LRP11: variants seen among roughly 807,000 people sequenced by gnomAD.
The protein encoded by LRP11 is LDL receptor related protein 11.
In LRP11, 25 loss-of-function variants were observed where a neutral mutation model predicts 43.1. That is an observed-to-expected ratio of 0.58 (90% CI 0.42 to 0.81). LRP11 has a LOEUF of 0.81. Among genes scored for constraint, LRP11 ranks in the 30% least tolerant of loss-of-function variants. The pLI, the probability that LRP11 is intolerant of heterozygous loss-of-function variation, is 0.00. For missense variants in LRP11, 623 were observed against 665.1 expected, an observed-to-expected ratio of 0.94 and a Z score of 0.70; for synonymous variants, 316 against 299.4, an observed-to-expected ratio of 1.06 and a Z score of -0.57.
chr6:149,842,489 C>G, intron 3 of LRP11: 1 of 681,498 alleles, frequency 1.5e-6, no homozygotes, highest in Non-Finnish European at 2.6e-6. Flanking sequence ...TGCAACAGAT[C>G]ACCAGAACCT....
chr6:149,830,007 CTTTTTTTTTTT>C (rs59467230), intron 5 of LRP11, among the ~76,000 whole-genome samples: 3 of 127,456 alleles, frequency 2.4e-5, no homozygotes, highest in East Asian at 4.7e-4. Flanking sequence ...TTATTATCCT[CTTTTTTTTTTT>C]TTTTTTTTTG....
At chr6:149,844,946 G>A (rs1393826611) in intron 2 of LRP11, among the ~76,000 whole-genome samples, 1 of 152,186 alleles carries the variant, frequency 6.6e-6, no homozygotes, top group Middle Eastern at 3.2e-3. Flanking sequence ...CAGAGTCAGT[G>A]GGTTGGTCAG....
At chr6:149,859,396 A>ATATATATATATATATATATATATATAT in intron 1 of LRP11, among the ~76,000 whole-genome samples, 12 of 71,504 alleles carry the variant, frequency 1.7e-4, no homozygotes, top group Non-Finnish European at 2.3e-4. Flanking sequence ...ATATATATAT[A>ATATATATATATATATATATATATATAT]TTTTTTTTTT....
At chr6:149,833,727 T>C (rs1776437282) in intron 5 of LRP11, among the ~76,000 whole-genome samples, 1 of 152,188 alleles carries the variant, frequency 6.6e-6, no homozygotes, top group Admixed American at 6.5e-5. Context: ...TCTGCATCTG[T>C]GAAAGACCAC....
rs561673386 is a variant in LRP11, at chr6:149,860,752, C to G, written c.613+2656G>C. Among the ~76,000 whole-genome samples the G allele has an allele frequency of 2.6e-5, 4 of 152,318 alleles. No homozygotes were observed. The South Asian group carries it at 8.3e-4, about 32-fold the overall frequency. On this transcript the variant is annotated intron_variant, in intron 1 of 6. Coordinates refer to ENST00000239367, the MANE Select transcript of LRP11 (RefSeq NM_032832.6). The stretch of plus-strand genomic sequence containing the variant: ...CTCATTCCTGCATCCTCCCGCCTTC[C>G]CTACCTCTACCCTCGCAGTCCCAGC...
intron 2 of LRP11, among the ~76,000 whole-genome samples, chr6:149,850,837 T>C (rs1776707887): frequency 6.6e-6 from 1 of 152,202 alleles, no homozygotes; most frequent in South Asian, 2.1e-4. Context: ...GAAAGGTACT[T>C]AGTAATCTTT....
At position 149,864,012 on chromosome 6, in the gene LRP11, G is replaced by A. The variant is rs1776992518; in HGVS notation, c.9C>T (p.Ser3=). MA[S]VAQESAGSQR... is the part of the protein sequence containing the mutation. ...GCGAGCCCGCGCTCTCCTGGGCGAC[G>A]GAGGCCATGGCGACGAGAGCCAAGG... Residue 3 remains serine, a synonymous_variant, in exon 1 of 7, where the codon TCC becomes TCT. Transcript: ENST00000239367. 2 of 1,346,642 alleles carry A rather than the reference G, an allele frequency of 1.5e-6. No homozygotes were observed. Among genetic ancestry groups the A allele is most frequent in the South Asian group, 1.9e-5 (1 of 52,814 alleles). The allele number at this position is 1,346,642 out of a possible 1,614,324, so 83.4% of individuals were successfully genotyped here. A position where few individuals can be genotyped will look rare whatever the true frequency, so the allele number is the denominator to read the frequency against.
Position 149,820,387 on chromosome 6 carries a change from C to A in LRP11, c.*162G>T. 2.3e-6 allele frequency: 1 copy of A among 439,438 alleles called. No individual in the cohort carries two copies. The highest frequency in any genetic ancestry group is 3.0e-5 in the African/African-American group (1 of 33,762). The allele number at this position is 439,438 out of a possible 1,614,324, so 27.2% of individuals were successfully genotyped here. Reference sequence around the variant, plus strand: ...TAAATTTCAAAATATTTTATGACTTCTAAGGAAACTTTTTTTACAATAAAT... The same window carrying A: ...TAAATTTCAAAATATTTTATGACTTATAAGGAAACTTTTTTTACAATAAAT... On this transcript the variant is annotated 3_prime_UTR_variant, in exon 7 of 7. Coordinates refer to ENST00000239367, the MANE Select transcript of LRP11 (RefSeq NM_032832.6).
At chr6:149,821,371 T>C (rs1400932387) in intron 6 of LRP11, among the ~76,000 whole-genome samples, 1 of 152,226 alleles carries the variant, frequency 6.6e-6, no homozygotes, top group African/African-American at 2.4e-5. Flanking sequence ...GTTGTAGTCA[T>C]TGACTATATT....
intron 5 of LRP11, among the ~76,000 whole-genome samples, chr6:149,832,095 A>G (rs1165014870): frequency 6.6e-6 from 1 of 152,166 alleles, no homozygotes; most frequent in African/African-American, 2.4e-5. Context: ...CATCATTGTC[A>G]ATGTGATAGG....
At chr6:149,829,876 C>T (rs1192087659) in intron 5 of LRP11, among the ~76,000 whole-genome samples, 1 of 151,990 alleles carries the variant, frequency 6.6e-6, no homozygotes, top group Non-Finnish European at 1.5e-5. Context: ...GGTTTCCTAG[C>T]GAATACCACT....
At chr6:149,828,468 T>A (rs1030879707) in intron 5 of LRP11, among the ~76,000 whole-genome samples, 13 of 151,020 alleles carry the variant, frequency 8.6e-5, no homozygotes, top group African/African-American at 3.2e-4. Flanking sequence ...GATATCCATA[T>A]TGAAAATATG....
chr6:149,825,056 T>TC (rs1188535253), intron 6 of LRP11, among the ~76,000 whole-genome samples: 1 of 152,038 alleles, frequency 6.6e-6, no homozygotes, highest in African/African-American at 2.4e-5. Flanking sequence ...ACCAAGGGGG[T>TC]CACCCAGGTA....
chr6:149,823,673 A>G (rs1776304577), intron 6 of LRP11, among the ~76,000 whole-genome samples: 1 of 152,154 alleles, frequency 6.6e-6, no homozygotes, highest in Non-Finnish European at 1.5e-5. Flanking sequence ...TATTTTTAGA[A>G]TCCCAGGTAA....
intron 1 of LRP11, among the ~76,000 whole-genome samples, chr6:149,856,551 G>C (rs1776802032): frequency 6.6e-6 from 1 of 152,150 alleles, no homozygotes; most frequent in East Asian, 1.9e-4. Context: ...TGTGTGACTT[G>C]CTAATGAAGA....
chr6:149,825,444 T>C (rs936924217), intron 6 of LRP11, among the ~76,000 whole-genome samples: 3 of 152,190 alleles, frequency 2.0e-5, no homozygotes, highest in African/African-American at 7.2e-5. Flanking sequence ...TCATCGTAAA[T>C]AACTGAGTAA....
chr6:149,828,289 C>T (rs1203900515), intron 5 of LRP11, among the ~76,000 whole-genome samples: 2 of 152,002 alleles, frequency 1.3e-5, no homozygotes, highest in East Asian at 1.9e-4. Context: ...CTATTTAATA[C>T]AGAAAAATAA....
In LRP11 at chr6:149,827,209, C is replaced by T. The variant is rs1014979781; in HGVS notation, c.1253-850G>A. On this transcript the variant is annotated intron_variant, in intron 5 of 6. Coordinates refer to ENST00000239367, the MANE Select transcript of LRP11 (RefSeq NM_032832.6). This position sits in a 1 kb window ranked among gnomAD's most constrained non-coding sequence, Gnocchi z 4.2. ...TCAAGTGATCCGCTCACCTCAGCCT[C>T]CCAAAGTGCTGGGATGACAGGCGTG... Among the ~76,000 whole-genome samples the T allele has an allele frequency of 1.3e-5, 2 of 152,114 alleles. No homozygotes were observed. The highest frequency in any genetic ancestry group is 2.4e-5 in the African/African-American group (1 of 41,428).
chr6:149,826,709 T>A (rs1399317570), intron 5 of LRP11, among the ~76,000 whole-genome samples: 1 of 152,196 alleles, frequency 6.6e-6, no homozygotes, highest in African/African-American at 2.4e-5. Context: ...AAGGTTTTTC[T>A]TTGAAGAATA....
Sources: gnomAD v4.1 joint callset for allele counts (sites outside exome capture counted in the v4.1 genomes callset) on GRCh38, gnomAD v4.1.1 for gene constraint, Gnocchi (gnomAD v3.1) non-coding constraint, MANE v1.5 for transcripts, NCBI Gene and HGNC (gene_info 2026-07-23, HGNC 2026-07-21) for gene names.